Variants in LRMDA observed in about 807,000 individuals in gnomAD.
The protein encoded by LRMDA is leucine rich melanocyte differentiation associated.
LRMDA carries 18 observed loss-of-function variants against 29.8 expected under a neutral mutation model. The ratio of observed to expected loss-of-function variants is 0.60; its 90% confidence interval spans 0.42 to 0.90. The LOEUF (loss-of-function observed/expected upper bound fraction) is 0.90, where lower values mean the gene tolerates loss of function less well. LRMDA is among the 40% of genes least tolerant of loss of function. The pLI, the probability that LRMDA is intolerant of heterozygous loss-of-function variation, is 0.00. For synonymous variants in LRMDA, 125 were observed against 109.4 expected, an observed-to-expected ratio of 1.14 and a Z score of -0.89; for missense variants, 273 against 273.9, an observed-to-expected ratio of 1.00 and a Z score of 0.02.
rs137888651 is a variant in LRMDA at position 75,588,864 on chromosome 10, ATTCTT to A, written c.131+150376_131+150380del. Among the ~76,000 whole-genome samples, 369 of 152,330 alleles carry A rather than the reference ATTCTT, an allele frequency of 2.4e-3. 5 individuals carry two copies. Among genetic ancestry groups the A allele is most frequent in the African/African-American group, 8.8e-3 (365 of 41,578 alleles). ...CTTTGTCATTTATAAAAAAGATATC[ATTCTT>A]TTCTTATTATTTGTGCCCTTGCTTT... is the stretch of plus-strand genomic sequence containing the variant. On this transcript the variant is annotated intron_variant, in intron 2 of 6. Coordinates refer to ENST00000611255, the MANE Select transcript of LRMDA (RefSeq NM_001305581.2).
Position 76,389,561 on chromosome 10 carries a change from G to A in LRMDA, c.601+65076G>A, listed in dbSNP as rs560342724. Among the ~76,000 whole-genome samples the A allele has an allele frequency of 1.6e-4, 24 of 152,196 alleles. No homozygotes were observed. In the South Asian group the frequency reaches 4.8e-3, roughly 30 times the overall value. ...TACCTTCACATTGTGGTACCACGAT[G>A]ACCACCATCCATCTCCAGAATCTTT... is the stretch of plus-strand genomic sequence containing the variant. On this transcript the variant is annotated intron_variant, in intron 6 of 6. Transcript: ENST00000611255.
chr10:75,982,688 T>C (rs1847193641), intron 2 of LRMDA, among the ~76,000 whole-genome samples: 1 of 152,172 alleles, frequency 6.6e-6, no homozygotes, highest in Non-Finnish European at 1.5e-5. Flanking sequence ...GAACTGGAGT[T>C]TGGTAGATGT....
chr10:75,454,348 C>T (rs1844491360), intron 2 of LRMDA, among the ~76,000 whole-genome samples: 1 of 152,138 alleles, frequency 6.6e-6, no homozygotes, highest in African/African-American at 2.4e-5. Context: ...GCAACTCTCA[C>T]TTTGGGGTAG....
intron 2 of LRMDA, among the ~76,000 whole-genome samples, chr10:75,517,774 G>T (rs1345983265): frequency 6.6e-6 from 1 of 152,154 alleles, no homozygotes; most frequent in African/African-American, 2.4e-5. Flanking sequence ...TCCTTGTCTT[G>T]TGCCAGTTTT....
chr10:76,275,470 A>G (rs1840119704), intron 5 of LRMDA, among the ~76,000 whole-genome samples: 2 of 152,080 alleles, frequency 1.3e-5, no homozygotes, highest in Non-Finnish European at 1.5e-5. Context: ...ACATACAAAT[A>G]TTACTGTCTT....
At chr10:76,494,327 T>C (rs1044665336) in intron 6 of LRMDA, among the ~76,000 whole-genome samples, 2 of 52,008 alleles carry the variant, frequency 3.8e-5, no homozygotes, top group African/African-American at 8.2e-5. Flanking sequence ...GCTACATAGC[T>C]TTTTTTTTTT....
chr10:75,796,235 G>A (rs1449599779), intron 2 of LRMDA, among the ~76,000 whole-genome samples: 1 of 152,112 alleles, frequency 6.6e-6, no homozygotes, highest in African/African-American at 2.4e-5. Flanking sequence ...GAACAGAAGA[G>A]GTGAGAACAG....
chr10:75,598,253 A>G (rs533815136), intron 2 of LRMDA, among the ~76,000 whole-genome samples: 46 of 152,286 alleles, frequency 3.0e-4, no homozygotes, highest in African/African-American at 1.1e-3. Context: ...CTGCTGCTTC[A>G]CTGATGAGTC....
chr10:76,196,748 G>A (rs1851337675), intron 5 of LRMDA, among the ~76,000 whole-genome samples: 1 of 152,204 alleles, frequency 6.6e-6, no homozygotes, highest in Non-Finnish European at 1.5e-5. Context: ...TGCATTACAT[G>A]CATGCAATTG....
intron 2 of LRMDA, among the ~76,000 whole-genome samples, chr10:75,684,100 A>AGG (rs2132154955): frequency 6.6e-6 from 1 of 152,352 alleles, no homozygotes; most frequent in Non-Finnish European, 1.5e-5. Flanking sequence ...ATTTGGCTGA[A>AGG]GTATTTTGTT....
At chr10:76,105,300 A>G (rs547721824) in intron 5 of LRMDA, among the ~76,000 whole-genome samples, 12 of 152,172 alleles carry the variant, frequency 7.9e-5, no homozygotes, top group African/African-American at 2.9e-4. Flanking sequence ...TTCCATGGGT[A>G]TATTCCAGAC....
At chr10:76,196,298 C>T (rs991977554) in intron 5 of LRMDA, among the ~76,000 whole-genome samples, 95 of 152,194 alleles carry the variant, frequency 6.2e-4, no homozygotes, top group African/African-American at 2.2e-3. Context: ...CTAATTTCTT[C>T]AGCAAACATG....
rs753271145 is a variant in LRMDA, at chr10:75,894,486, CAT to C, written c.132-141521_132-141520del. On this transcript the variant is annotated intron_variant, in intron 2 of 6. Transcript: ENST00000611255. ...CAATTGTGAATTGTGCTGCTATAAA[CAT>C]GTGTGTGCAAGTATCATTTTCATAT... Among the ~76,000 whole-genome samples, 42 of 152,282 alleles carry C rather than the reference CAT, an allele frequency of 2.8e-4. No individual in the cohort carries two copies. The South Asian group carries it at 2.9e-3, about 11-fold the overall frequency.
At chr10:76,309,173 G>A (rs118063686) in intron 5 of LRMDA, among the ~76,000 whole-genome samples, 1 of 152,230 alleles carries the variant, frequency 6.6e-6, no homozygotes, top group East Asian at 1.9e-4. Context: ...GAGGAAATGG[G>A]CGGGGACTCT....
At chr10:75,787,386 A>G (rs1444809051) in intron 2 of LRMDA, among the ~76,000 whole-genome samples, 1 of 152,132 alleles carries the variant, frequency 6.6e-6, no homozygotes, top group African/African-American at 2.4e-5. Context: ...GTGAAACGGG[A>G]TGTTTCACTG....
chr10:75,814,574 G>T (rs1298549411), intron 2 of LRMDA, among the ~76,000 whole-genome samples: 2 of 148,360 alleles, frequency 1.3e-5, no homozygotes, highest in Non-Finnish European at 3.0e-5. Context: ...CCCAGCCTTG[G>T]CCCCGCCACC....
intron 6 of LRMDA, among the ~76,000 whole-genome samples, chr10:76,513,743 T>C (rs1843032018): frequency 6.6e-6 from 1 of 152,162 alleles, no homozygotes; most frequent in Admixed American, 6.5e-5. Flanking sequence ...TAAAGGTCTG[T>C]GCTTTGGCAG....
intron 5 of LRMDA, among the ~76,000 whole-genome samples, chr10:76,194,870 A>G (rs1464138999): frequency 6.6e-6 from 1 of 152,216 alleles, no homozygotes; most frequent in Non-Finnish European, 1.5e-5. Flanking sequence ...TCAAGCCTTT[A>G]ATGTTCCAAA....
intron 2 of LRMDA, among the ~76,000 whole-genome samples, chr10:75,462,663 A>C (rs1010445932): frequency 1.3e-5 from 2 of 152,228 alleles, no homozygotes; most frequent in South Asian, 4.1e-4. Context: ...CCTGAGTAAC[A>C]GGATGAGGTT....
Sources: allele counts gnomAD v4.1 joint callset (sites outside exome capture counted in the v4.1 genomes callset), GRCh38; gene constraint gnomAD v4.1.1; transcripts MANE v1.5; gene names NCBI Gene and HGNC (gene_info 2026-07-23, HGNC 2026-07-21).